The following TRIM14 variants were observed in gnomAD, a reference collection of about 807,000 sequenced individuals.
TRIM14 encodes the protein tripartite motif-containing protein 14.
A neutral mutation model predicts 44.5 loss-of-function variants in TRIM14; 28 were observed. The observed-to-expected ratio is 0.63, with a 90% CI of 0.47 to 0.86. The LOEUF is 0.86. TRIM14 is among the 40% of genes least tolerant of loss of function. TRIM14 has a pLI of 0.00. For synonymous variants in TRIM14, 299 were observed against 269.2 expected, an observed-to-expected ratio of 1.11 and a Z score of -1.08; for missense variants, 607 against 611.1, an observed-to-expected ratio of 0.99 and a Z score of 0.07.
chr9:98,062,934 TTTTA>T, the TRIM14 span, among the ~76,000 whole-genome samples: 2 of 151,892 alleles, frequency 1.3e-5, no homozygotes, highest in Admixed American at 6.6e-5. Context: ...TTTTATTTTA[TTTTA>T]TTTATTTTAT....
downstream of TRIM14, among the ~76,000 whole-genome samples, chr9:98,064,777 G>A (rs1018849543): frequency 2.0e-5 from 3 of 152,146 alleles, no homozygotes; most frequent in African/African-American, 7.2e-5. Flanking sequence ...GCTGCTGCCT[G>A]GCTGGCAGCC....
chr9:98,083,673 A>AGT (rs1181073707), downstream of TRIM14, among the ~76,000 whole-genome samples: 5 of 152,278 alleles, frequency 3.3e-5, no homozygotes, highest in Non-Finnish European at 4.4e-5. Context: ...TATGGCCATG[A>AGT]ACAAGCCCCA....
At chr9:98,056,813 C>CGCTGGA in the TRIM14 span, 2 of 1,610,800 alleles carry the variant, frequency 1.2e-6, no homozygotes, top group South Asian at 1.1e-5. Context: ...GCTGCAATGC[C>CGCTGGA]GCTGGAGCTG....
At chr9:98,070,144 G>C (rs1024778297) in intron 6 of TRIM14, among the ~76,000 whole-genome samples, 10 of 152,150 alleles carry the variant, frequency 6.6e-5, no homozygotes, top group African/African-American at 2.2e-4. Flanking sequence ...TTTTGAGACA[G>C]AGTCTTGCTG....
At chr9:98,060,997 G>C in the TRIM14 span, 1 of 1,613,248 alleles carries the variant, frequency 6.2e-7, no homozygotes, top group African/African-American at 1.3e-5. Flanking sequence ...GCATGGATGA[G>C]GTGAGTCCTC....
At chr9:98,115,096 AT>A (rs900228847) in intron 1 of TRIM14, among the ~76,000 whole-genome samples, 95 of 146,964 alleles carry the variant, frequency 6.5e-4, no homozygotes, top group Admixed American at 1.3e-3. Context: ...TTTTAAATTA[AT>A]TTTTTTTTTT....
chr9:98,061,912 C>T, the TRIM14 span, among the ~76,000 whole-genome samples: 2 of 151,880 alleles, frequency 1.3e-5, no homozygotes, highest in Non-Finnish European at 2.9e-5. Flanking sequence ...CCAGGTTTCT[C>T]CCAGTAGAAA....
At chr9:98,079,186 G>T (rs1382037724) in intron 6 of TRIM14, among the ~76,000 whole-genome samples, 2 of 152,178 alleles carry the variant, frequency 1.3e-5, no homozygotes, top group Non-Finnish European at 2.9e-5. Context: ...GGCAAAGCTG[G>T]AACTAGAACC....
At chr9:98,049,751 C>T in the TRIM14 span, among the ~76,000 whole-genome samples, 1 of 152,156 alleles carries the variant, frequency 6.6e-6, no homozygotes, top group Non-Finnish European at 1.5e-5. Flanking sequence ...TGTCAACCTC[C>T]TGTCTCTTCT....
chr9:98,049,163 G>A, the TRIM14 span, among the ~76,000 whole-genome samples: 1 of 151,638 alleles, frequency 6.6e-6, no homozygotes, highest in Admixed American at 6.6e-5. Context: ...CCAACATGGA[G>A]AAACTCCATC....
downstream of TRIM14, among the ~76,000 whole-genome samples, chr9:98,068,642 C>CCAT (rs1311176979): frequency 6.7e-6 from 1 of 148,868 alleles, no homozygotes; most frequent in Non-Finnish European, 1.5e-5. Flanking sequence ...TAGCAAGACC[C>CCAT]CATCTATTAA....
chr9:98,036,609 C>T, the TRIM14 span, among the ~76,000 whole-genome samples: 2 of 151,960 alleles, frequency 1.3e-5, no homozygotes, highest in African/African-American at 4.8e-5. Flanking sequence ...CAAAACCAGC[C>T]TAACCAACAT....
At position 98,086,925 on chromosome 9, in the gene TRIM14, G is replaced by C. The variant is rs1283508814; in HGVS notation, c.*545C>G. 3 of 169,976 alleles carry C rather than the reference G, an allele frequency of 1.8e-5. No homozygotes were observed. The highest frequency in any genetic ancestry group is 3.8e-5 in the Non-Finnish European group (3 of 79,486). 10.5% of individuals were successfully genotyped at this position (169,976 alleles called of 1,614,324 possible). On this transcript the variant is annotated 3_prime_UTR_variant, in exon 6 of 6. Transcript: ENST00000341469. ...TTTTAGGGTGGAAGATGAGGACTGG[G>C]AGAGGGTTCAGACCAGGAACTGCTA...
intron 6 of TRIM14, among the ~76,000 whole-genome samples, chr9:98,079,025 T>C (rs1829727258): frequency 6.6e-6 from 1 of 152,198 alleles, no homozygotes; most frequent in Non-Finnish European, 1.5e-5. Flanking sequence ...TCTCTTATTT[T>C]CTAATGCTGA....
chr9:98,099,766 G>A (rs1475697290), intron 3 of TRIM14, among the ~76,000 whole-genome samples, 165 bp downstream of exon 3: 3 of 152,220 alleles, frequency 2.0e-5, no homozygotes, highest in Non-Finnish European at 4.4e-5. Flanking sequence ...TCCTAACAAT[G>A]TATATTCTCT....
In TRIM14 at chr9:98,095,057, G is replaced by T; in HGVS notation, c.538-28C>A. Reference sequence around the variant, plus strand: ...GTGTGGGCACACGGGGGTGAGGGTGGCTCTGGGAGATGCAGGCAGCATCCC... The same window carrying T: ...GTGTGGGCACACGGGGGTGAGGGTGTCTCTGGGAGATGCAGGCAGCATCCC... On this transcript the variant is annotated intron_variant, in intron 3 of 5. Transcript: ENST00000341469. The surrounding 1 kb of genome is among the most constrained non-coding windows in gnomAD (Gnocchi z 4.1). The T allele has an allele frequency of 6.3e-7, 1 of 1,599,556 alleles. No individual in the cohort carries two copies. Among genetic ancestry groups the T allele is most frequent in the African/African-American group, 1.3e-5 (1 of 74,786 alleles).
At chr9:98,094,826 A>G (rs1326062355) in intron 4 of TRIM14, 41 bp downstream of exon 4, 2 of 1,599,516 alleles carry the variant, frequency 1.3e-6, no homozygotes, top group Admixed American at 1.7e-5. Flanking sequence ...AAAGGACACT[A>G]GGGGAGTTAA....
At chr9:98,097,245 C>A (rs1199427592) in intron 3 of TRIM14, among the ~76,000 whole-genome samples, 1 of 152,156 alleles carries the variant, frequency 6.6e-6, no homozygotes, top group Non-Finnish European at 1.5e-5. Flanking sequence ...AGGACAAAGT[C>A]TGAACTCCAT....
At chr9:98,097,783 T>C (rs1490663192) in intron 3 of TRIM14, among the ~76,000 whole-genome samples, 1 of 152,230 alleles carries the variant, frequency 6.6e-6, no homozygotes, top group Non-Finnish European at 1.5e-5. Context: ...GAAACCGTTT[T>C]CTGATGTGAG....
Sources: gnomAD v4.1 joint callset for allele counts (sites outside exome capture counted in the v4.1 genomes callset) on GRCh38, gnomAD v4.1.1 for gene constraint, Gnocchi (gnomAD v3.1) non-coding constraint, MANE v1.5 for transcripts, NCBI Gene and HGNC (gene_info 2026-07-23, HGNC 2026-07-21) for gene names.